ANXA4: variants seen among roughly 807,000 people sequenced by gnomAD.
ANXA4 encodes the protein annexin A4, also known as 35-beta calcimedin.
Under a neutral mutation model 49.8 loss-of-function variants are expected in ANXA4, and 39 were observed. The ratio of observed to expected loss-of-function variants is 0.78; its 90% CI spans 0.61 to 1.02. ANXA4 has a LOEUF of 1.02. Ranked by LOEUF, ANXA4 falls within the 50% of genes least tolerant of loss-of-function variation. The pLI, the probability that ANXA4 is intolerant of heterozygous loss-of-function variation, is 0.00. For missense variants in ANXA4, 360 were observed against 410.1 expected (o/e 0.88, Z 1.05); for synonymous variants, 134 against 152.5 (o/e 0.88, Z 0.89).
intron 3 of ANXA4, among the ~76,000 whole-genome samples, chr2:69,728,286 C>T (rs987015827): frequency 3.3e-5 from 5 of 152,046 alleles, no homozygotes; most frequent in African/African-American, 1.2e-4. Context: ...TGCTATGAGC[C>T]CTTTTTTGAT....
At chr2:69,792,627 C>A (rs971693958) in intron 3 of ANXA4, among the ~76,000 whole-genome samples, 1 of 151,746 alleles carries the variant, frequency 6.6e-6, no homozygotes, top group Admixed American at 6.6e-5. Flanking sequence ...TTACAATTTG[C>A]TTAAACCTTC....
At chr2:69,658,276 C>T (rs182826442) in intron 2 of ANXA4, among the ~76,000 whole-genome samples, 4 of 151,272 alleles carry the variant, frequency 2.6e-5, no homozygotes, top group Admixed American at 6.6e-5. Flanking sequence ...GGCACACTCC[C>T]GTAATCCCAG....
chr2:69,766,718 T>C (rs1485639944), intron 1 of ANXA4, among the ~76,000 whole-genome samples: 1 of 152,224 alleles, frequency 6.6e-6, no homozygotes, highest in African/African-American at 2.4e-5. Context: ...GGTGAGCTTG[T>C]GTTGCCCACA....
chr2:69,819,473 C>T (rs1674139633), intron 11 of ANXA4, 135 bp downstream of exon 11: 1 of 638,134 alleles, frequency 1.6e-6, no homozygotes, highest in Non-Finnish European at 2.8e-6. Flanking sequence ...CAGTGAGTGC[C>T]TGCTAATAAT....
At chr2:69,699,255 G>T (rs1165707877) in intron 2 of ANXA4, among the ~76,000 whole-genome samples, 1 of 152,182 alleles carries the variant, frequency 6.6e-6, no homozygotes, top group Non-Finnish European at 1.5e-5. Flanking sequence ...ACCTTCCAGG[G>T]CTCTTTTCTC....
chr2:69,822,644 C>T (rs138272029), intron 12 of ANXA4, among the ~76,000 whole-genome samples: 1 of 152,182 alleles, frequency 6.6e-6, no homozygotes, highest in East Asian at 1.9e-4. Flanking sequence ...AAATATACTA[C>T]GTGCAATAAA....
chr2:69,664,380 A>G (rs534958845), intron 2 of ANXA4, among the ~76,000 whole-genome samples: 4 of 152,326 alleles, frequency 2.6e-5, no homozygotes, highest in South Asian at 4.1e-4. Context: ...TGAACAACTA[A>G]AAATTGAATG....
chr2:69,698,355 T>C (rs1678223456), intron 2 of ANXA4, among the ~76,000 whole-genome samples: 1 of 152,180 alleles, frequency 6.6e-6, no homozygotes, highest in South Asian at 2.1e-4. Context: ...CCCAGCTTTC[T>C]AGGAAGCCCC....
intron 1 of ANXA4, among the ~76,000 whole-genome samples, chr2:69,754,797 G>T (rs1021678510): frequency 1.3e-5 from 2 of 152,180 alleles, no homozygotes; most frequent in Non-Finnish European, 2.9e-5. Flanking sequence ...GTTCTTTTAT[G>T]CTCCCTCCTA....
In ANXA4 at chr2:69,730,998, AAGTGCTGGCCCTGAGG is replaced by A. The variant is rs371579263; in HGVS notation, n.864+10138_864+10153del. 9.6e-3 allele frequency among the ~76,000 whole-genome samples: 1,456 copies of A among 152,318 alleles called. 27 individuals are homozygous for A. Among genetic ancestry groups the A allele is most frequent in the African/African-American group, 0.034 (1,399 of 41,556 alleles). On this transcript the variant is annotated intron_variant and non_coding_transcript_variant, in intron 3 of 3. Transcript: ENST00000418066. ...CCTGCCTTTTAGGTCGATGGGTTTG[AAGTGCTGGCCCTGAGG>A]AGTGCTGGCCTCAAGAAGCCAAAAG...
chr2:69,818,512 G>A, intron 9 of ANXA4, 87 bp from the exon 10 acceptor site: 3 of 792,112 alleles, frequency 3.8e-6, no homozygotes, highest in Non-Finnish European at 6.2e-6. Flanking sequence ...AAATAGTGTA[G>A]GCTAGTTAAA....
At chr2:69,701,931 A>G (rs887928439) in intron 2 of ANXA4, among the ~76,000 whole-genome samples, 1 of 152,006 alleles carries the variant, frequency 6.6e-6, no homozygotes, top group Non-Finnish European at 1.5e-5. Context: ...CCCTTTTAAT[A>G]TCTTATGTTG....
intron 1 of ANXA4, among the ~76,000 whole-genome samples, chr2:69,742,645 G>A (rs920375613): frequency 6.6e-6 from 1 of 152,066 alleles, no homozygotes; most frequent in Admixed American, 6.5e-5. Context: ...TGTGTCTAAT[G>A]CCCTCGGCAC....
In ANXA4 at chr2:69,826,743, G is replaced by T. The variant is rs1674485925; in HGVS notation, c.*1228G>T. ...GGAGGCAAAGGTTGCAGTGAGCCGA[G>T]ATCACGCCAGCCTGGGCGACAGAGC... On this transcript the variant is annotated 3_prime_UTR_variant, in exon 13 of 13. Transcript: ENST00000394295. The T allele has an allele frequency of 6.8e-6, 1 of 146,332 alleles. No homozygotes were observed. Among genetic ancestry groups the T allele is most frequent in the Non-Finnish European group, 1.5e-5 (1 of 67,320 alleles). The allele number at this position is 146,332 out of a possible 1,614,324, so 9.1% of individuals were successfully genotyped here. A position where few individuals can be genotyped will look rare whatever the true frequency, so the allele number is the denominator to read the frequency against.
chr2:69,786,927 G>A (rs1361494735), intron 2 of ANXA4, among the ~76,000 whole-genome samples: 2 of 152,016 alleles, frequency 1.3e-5, no homozygotes, highest in Non-Finnish European at 2.9e-5. Context: ...GTTTCACCAT[G>A]TTGCCCAGTC....
chr2:69,680,555 G>T (rs1265252464), intron 2 of ANXA4, among the ~76,000 whole-genome samples: 1 of 152,158 alleles, frequency 6.6e-6, no homozygotes, highest in East Asian at 1.9e-4. Flanking sequence ...TAGGAGTGGT[G>T]CAAGTGGGCA....
intron 3 of ANXA4, among the ~76,000 whole-genome samples, chr2:69,788,726 T>TC (rs1286909525): frequency 3.3e-5 from 5 of 150,868 alleles, no homozygotes; most frequent in Non-Finnish European, 5.9e-5. Context: ...TAGTCCCAGC[T>TC]ACTCAGGAGG....
chr2:69,647,435 G>A (rs1390679447), intron 1 of ANXA4, among the ~76,000 whole-genome samples: 6 of 148,846 alleles, frequency 4.0e-5, no homozygotes, highest in Non-Finnish European at 7.4e-5. Flanking sequence ...TTGAGACAGA[G>A]TCTCACTCTG....
chr2:69,699,863 C>A (rs1367094014), intron 2 of ANXA4, among the ~76,000 whole-genome samples: 1 of 152,126 alleles, frequency 6.6e-6, no homozygotes, highest in African/African-American at 2.4e-5. Flanking sequence ...TGTGCAGGTA[C>A]CAGATGCAAG....
Sources: allele counts gnomAD v4.1 joint callset (sites outside exome capture counted in the v4.1 genomes callset), GRCh38; gene constraint gnomAD v4.1.1; transcripts MANE v1.5; gene names NCBI Gene and HGNC (gene_info 2026-07-23, HGNC 2026-07-21).